Variants in ACSBG1 observed in about 807,000 individuals in gnomAD.
The protein encoded by ACSBG1 is long-chain-fatty-acid--CoA ligase ACSBG1.
In ACSBG1, 39 loss-of-function variants were observed where a neutral mutation model predicts 80.2. The ratio of observed to expected loss-of-function variants is 0.49; its 90% CI spans 0.38 to 0.64. The LOEUF is 0.64. Ranked by LOEUF, ACSBG1 falls within the 30% of genes least tolerant of loss-of-function variation. The pLI is 0.00. For missense variants in ACSBG1, 828 were observed against 966.4 expected (o/e 0.86, Z 1.90); for synonymous variants, 392 against 379.5 (o/e 1.03, Z -0.38).
Position 78,180,856 on chromosome 15 carries a change from C to T in ACSBG1, c.1152G>A (p.Glu384=). 1 of 1,614,204 alleles carries T rather than the reference C, an allele frequency of 6.2e-7. No individual in the cohort carries two copies. The highest frequency in any genetic ancestry group is 8.5e-7 in the Non-Finnish European group (1 of 1,180,034). The change falls in exon 9 of 14, where the codon GAG becomes GAA. Residue 384 remains glutamate, a synonymous_variant. Transcript: ENST00000258873. ...GVPRVWEKIM[E]RIQEVAAQSG... ...ACTGAGCCGCCACCTCCTGGATGCG[C>T]TCCATGATCTTCTCCCATACCCGGG...
At position 78,182,152 on chromosome 15, in the gene ACSBG1, G is replaced by A; in HGVS notation, c.895-7C>T. Reference sequence around the variant, plus strand: ...ACCGTGCCGTCCACGTGATCTGGAGGACAAGTAGATGGATCCCAGCAGTGT... The same window carrying A: ...ACCGTGCCGTCCACGTGATCTGGAGAACAAGTAGATGGATCCCAGCAGTGT... On this transcript the variant is annotated splice_region_variant and splice_polypyrimidine_tract_variant and intron_variant, in intron 7 of 13. Coordinates refer to ENST00000258873, the MANE Select transcript of ACSBG1 (RefSeq NM_015162.5). 6.2e-7 allele frequency: 1 copy of A among 1,606,102 alleles called. No homozygotes were observed. The highest frequency in any genetic ancestry group is 2.2e-5 in the East Asian group (1 of 44,862).
At chr15:78,197,227 G>T (rs1417164892) in intron 2 of ACSBG1, among the ~76,000 whole-genome samples, 1 of 152,082 alleles carries the variant, frequency 6.6e-6, no homozygotes, top group African/African-American at 2.4e-5. Flanking sequence ...ATTCGTGTTT[G>T]CCCCGGGCTG....
intron 1 of ACSBG1, among the ~76,000 whole-genome samples, chr15:78,211,736 T>G (rs989441036): frequency 6.6e-6 from 1 of 152,176 alleles, no homozygotes; most frequent in African/African-American, 2.4e-5. Context: ...TGGTGTCTCC[T>G]TACTCCTTCT....
intron 1 of ACSBG1, among the ~76,000 whole-genome samples, chr15:78,214,714 T>G (rs1428559106): frequency 6.6e-6 from 1 of 152,058 alleles, no homozygotes; most frequent in African/African-American, 2.4e-5. Context: ...GTGCTGGGAT[T>G]ATAGGAGTGA....
chr15:78,203,078 T>C (rs1046666978), intron 2 of ACSBG1, among the ~76,000 whole-genome samples: 9 of 152,230 alleles, frequency 5.9e-5, no homozygotes, highest in East Asian at 1.9e-4. Flanking sequence ...CAGAAATGCA[T>C]AGACCACACT....
chr15:78,173,553 T>C (rs778407671), intron 13 of ACSBG1, 40 bp downstream of exon 13: 1 of 1,604,762 alleles, frequency 6.2e-7, no homozygotes, highest in Non-Finnish European at 8.5e-7. Context: ...GCCTCTGCCT[T>C]CCCACACAGC....
In ACSBG1 at chr15:78,173,877, C is replaced by G. The variant is rs554178061; in HGVS notation, c.1843-38G>C. The stretch of plus-strand genomic sequence containing the variant: ...AGATCAGATGAGGACCAAGCCTTAC[C>G]CAACAAGACGTAAGCCCTGGTCCTG... On this transcript the variant is annotated intron_variant, in intron 12 of 13. Coordinates refer to ENST00000258873, the MANE Select transcript of ACSBG1 (RefSeq NM_015162.5). 2.0e-5 allele frequency: 32 copies of G among 1,599,072 alleles called. No homozygotes were observed. The South Asian group carries it at 3.4e-4, about 17-fold the overall frequency.
At chr15:78,207,863 A>G in intron 2 of ACSBG1, 139 bp downstream of exon 2, 1 of 680,334 alleles carries the variant, frequency 1.5e-6, no homozygotes, top group Non-Finnish European at 2.6e-6. Context: ...GGTCCCTGGG[A>G]GCGTGGAACC....
At chr15:78,204,398 G>A (rs1269649422) in intron 2 of ACSBG1, among the ~76,000 whole-genome samples, 1 of 152,212 alleles carries the variant, frequency 6.6e-6, no homozygotes, top group Non-Finnish European at 1.5e-5. Context: ...CCACTGGAGA[G>A]AAGCCGGGTC....
chr15:78,208,303 C>T (rs1173715561), intron 1 of ACSBG1, among the ~76,000 whole-genome samples: 1 of 152,064 alleles, frequency 6.6e-6, no homozygotes, highest in Non-Finnish European at 1.5e-5. Flanking sequence ...AGGGGCTGAC[C>T]CTGCCCCCAC....
intron 1 of ACSBG1, chr15:78,209,136 G>A (rs754564740): frequency 1.3e-5 from 6 of 455,984 alleles, no homozygotes; most frequent in South Asian, 9.3e-5. Flanking sequence ...AGGAAGCCGG[G>A]CCAATTACCT....
At chr15:78,200,706 T>A (rs1265347262) in intron 2 of ACSBG1, among the ~76,000 whole-genome samples, 1 of 152,080 alleles carries the variant, frequency 6.6e-6, no homozygotes, top group East Asian at 1.9e-4. Context: ...CTATCATGCC[T>A]CCCGCCAAGT....
At chr15:78,217,430 C>T (rs922982131) in intron 1 of ACSBG1, among the ~76,000 whole-genome samples, 1 of 151,984 alleles carries the variant, frequency 6.6e-6, no homozygotes, top group African/African-American at 2.4e-5. Context: ...CCAGCCATAC[C>T]GAATAGTCTC....
chr15:78,212,739 T>G (rs2075277866), intron 1 of ACSBG1: 2 of 367,104 alleles, frequency 5.4e-6, no homozygotes, highest in Non-Finnish European at 1.1e-5. Flanking sequence ...GCAACAGAGA[T>G]ACAGCGTGAG....
intron 2 of ACSBG1, among the ~76,000 whole-genome samples, chr15:78,199,268 A>G (rs2141355667): frequency 6.6e-6 from 1 of 151,990 alleles, no homozygotes; most frequent in African/African-American, 2.4e-5. Context: ...TTTTTGGTAG[A>G]GACGTGGGGG....
At chr15:78,206,142 C>A (rs1429198300) in intron 2 of ACSBG1, among the ~76,000 whole-genome samples, 3 of 152,226 alleles carry the variant, frequency 2.0e-5, no homozygotes, top group Non-Finnish European at 4.4e-5. Flanking sequence ...CCTGGGGTCC[C>A]TCGGTGGCCT....
rs142068833 is a variant in ACSBG1 at position 78,225,358 on chromosome 15, G to A, written c.131+9013C>T. Reference sequence around the variant, plus strand: ...AGAGATTGCAGTGAGCCGAGATCACGGCATTGCACTACAACCTGAGCAACA... The same window carrying A: ...AGAGATTGCAGTGAGCCGAGATCACAGCATTGCACTACAACCTGAGCAACA... On this transcript the variant is annotated intron_variant, in intron 1 of 13. Coordinates refer to ENST00000258873, the MANE Select transcript of ACSBG1 (RefSeq NM_015162.5). Among the ~76,000 whole-genome samples, 1,178 of 150,982 alleles carry A rather than the reference G, an allele frequency of 7.8e-3. 19 individuals carry two copies. The highest frequency in any genetic ancestry group is 0.026 in the African/African-American group (1,088 of 41,118).
intron 5 of ACSBG1, among the ~76,000 whole-genome samples, chr15:78,184,390 C>T (rs902731689): frequency 2.0e-5 from 3 of 151,900 alleles, no homozygotes; most frequent in Non-Finnish European, 2.9e-5. Flanking sequence ...ACTATGTTGC[C>T]CAGGCTGATC....
In ACSBG1 at chr15:78,171,367, T is replaced by C. The variant is rs2074819062; in HGVS notation, c.*77A>G. The C allele has an allele frequency of 1.6e-6, 2 of 1,262,922 alleles. No homozygotes were observed. The highest frequency in any genetic ancestry group is 1.5e-5 in the African/African-American group (1 of 66,988). The allele number at this position is 1,262,922 out of a possible 1,614,324, so 78.2% of individuals were successfully genotyped here. On this transcript the variant is annotated 3_prime_UTR_variant, in exon 14 of 14. Coordinates refer to ENST00000258873, the MANE Select transcript of ACSBG1 (RefSeq NM_015162.5). ...TTGGCAGAAATGCCTGTGCCCAGACTGAAGAGACCTGGGGCTCAGGAAGAG... is the reference window on the plus strand; with the variant it reads ...TTGGCAGAAATGCCTGTGCCCAGACCGAAGAGACCTGGGGCTCAGGAAGAG...
Sources: allele counts gnomAD v4.1 joint callset (sites outside exome capture counted in the v4.1 genomes callset), GRCh38; gene constraint gnomAD v4.1.1; transcripts MANE v1.5; gene names NCBI Gene and HGNC (gene_info 2026-07-23, HGNC 2026-07-21).